Variants in QTGAL observed in about 807,000 individuals in gnomAD.
QTGAL encodes the protein queuosine-tRNA galactosyltransferase.
At chr17:82,997,417 C>T in the QTGAL span, among the ~76,000 whole-genome samples, 10 of 152,144 alleles carry the variant, frequency 6.6e-5, no homozygotes, top group South Asian at 4.1e-4. Context: ...GAAAAGGGAA[C>T]CCCTGTACAA....
At chr17:82,971,657 CCA>C in the QTGAL span, among the ~76,000 whole-genome samples, 15 of 94,208 alleles carry the variant, frequency 1.6e-4, 1 homozygote, top group South Asian at 4.9e-4. Context: ...CCACACCACA[CCA>C]CAGGGGCCAG....
chr17:82,947,151 A>G, the QTGAL span: 1 of 581,324 alleles, frequency 1.7e-6, no homozygotes, highest in Non-Finnish European at 3.0e-6. Context: ...CAGAGAGGGC[A>G]GCAGCCGGCA....
chr17:83,005,256 G>T, the QTGAL span: 1 of 1,450,442 alleles, frequency 6.9e-7, no homozygotes, highest in Non-Finnish European at 9.6e-7. The surrounding 1 kb of genome is among the most constrained non-coding windows in gnomAD (Gnocchi z 5.6). Flanking sequence ...AGTCAGGTAC[G>T]CAGGTGCATG....
chr17:82,986,326 G>A, the QTGAL span, among the ~76,000 whole-genome samples: 2 of 152,156 alleles, frequency 1.3e-5, no homozygotes, highest in Non-Finnish European at 2.9e-5. Flanking sequence ...ACGCCCCTCC[G>A]CCCCCACCAT....
the QTGAL span, chr17:83,007,338 G>A: frequency 6.8e-5 from 64 of 943,860 alleles, no homozygotes; most frequent in Non-Finnish European, 8.0e-5. Context: ...ACTGTTTGGT[G>A]TGTCTGTTTC....
the QTGAL span, among the ~76,000 whole-genome samples, chr17:83,020,744 C>T: frequency 3.7e-3 from 564 of 152,300 alleles, 3 homozygotes; most frequent in East Asian, 0.027. Flanking sequence ...GGAGAGGCCA[C>T]GGCCGCATGG....
At chr17:83,001,786 C>CT in the QTGAL span, among the ~76,000 whole-genome samples, 1 of 151,944 alleles carries the variant, frequency 6.6e-6, no homozygotes, top group African/African-American at 2.4e-5. Flanking sequence ...TTTTCTTTTT[C>CT]TTTTTTTGAG....
the QTGAL span, among the ~76,000 whole-genome samples, chr17:82,966,141 C>A: frequency 6.6e-6 from 1 of 151,520 alleles, no homozygotes; most frequent in African/African-American, 2.4e-5. Context: ...GACCTCAAAC[C>A]CCTGGCCTCA....
the QTGAL span, among the ~76,000 whole-genome samples, chr17:83,044,681 C>T: frequency 2.4e-4 from 36 of 152,360 alleles, no homozygotes; most frequent in African/African-American, 7.9e-4. Flanking sequence ...CGGCGGCTCA[C>T]GCCTGTCATC....
the QTGAL span, chr17:83,005,198 T>C: frequency 6.2e-7 from 1 of 1,607,348 alleles, no homozygotes; most frequent in African/African-American, 1.3e-5. This position sits in a 1 kb window ranked among gnomAD's most constrained non-coding sequence, Gnocchi z 5.6. Context: ...CTCCTCACTC[T>C]GCAACCAATG....
chr17:83,008,891 T>C, the QTGAL span, among the ~76,000 whole-genome samples: 1 of 151,958 alleles, frequency 6.6e-6, no homozygotes, highest in Admixed American at 6.6e-5. Context: ...CTCGAGATGA[T>C]CCCAGCCCGG....
the QTGAL span, among the ~76,000 whole-genome samples, chr17:83,001,316 C>CA: frequency 6.6e-6 from 1 of 152,154 alleles, no homozygotes; most frequent in African/African-American, 2.4e-5. Context: ...TCGTCCACAA[C>CA]ATAGTCAAGG....
chr17:83,043,241 G>A, the QTGAL span, among the ~76,000 whole-genome samples: 10 of 152,276 alleles, frequency 6.6e-5, no homozygotes, highest in East Asian at 1.9e-4. Context: ...TGTGCACAGC[G>A]CATTCTCCAG....
At chr17:82,999,576 T>C in the QTGAL span, among the ~76,000 whole-genome samples, 1 of 152,234 alleles carries the variant, frequency 6.6e-6, no homozygotes, top group Non-Finnish European at 1.5e-5. Context: ...ATATTTTGTA[T>C]GTTATATGTA....
chr17:83,036,458 C>T, the QTGAL span, among the ~76,000 whole-genome samples: 1 of 152,222 alleles, frequency 6.6e-6, no homozygotes, highest in Non-Finnish European at 1.5e-5. Context: ...GCTTATGAAC[C>T]TTCATCCAGC....
chr17:83,043,256 G>A, the QTGAL span, among the ~76,000 whole-genome samples: 1 of 152,180 alleles, frequency 6.6e-6, no homozygotes, highest in Admixed American at 6.5e-5. Flanking sequence ...CTCCAGGACA[G>A]GTGACACGTC....
At chr17:83,031,707 A>G in the QTGAL span, among the ~76,000 whole-genome samples, 1 of 152,230 alleles carries the variant, frequency 6.6e-6, no homozygotes, top group Non-Finnish European at 1.5e-5. Context: ...TGACTGCAGC[A>G]GGTGTGGGGT....
the QTGAL span, among the ~76,000 whole-genome samples, chr17:82,961,571 TGCA>T: frequency 1.3e-5 from 2 of 152,180 alleles, no homozygotes; most frequent in African/African-American, 2.4e-5. Context: ...TGCCAGTGGC[TGCA>T]GCCCCAGAAG....
the QTGAL span, among the ~76,000 whole-genome samples, chr17:83,004,686 G>A: frequency 6.8e-6 from 1 of 146,122 alleles, no homozygotes; most frequent in Non-Finnish European, 1.5e-5. Flanking sequence ...CGCAGTCCGC[G>A]TGTGGGATTC....
Sources: gnomAD v4.1 joint callset for allele counts (sites outside exome capture counted in the v4.1 genomes callset) on GRCh38, gnomAD v4.1.1 for gene constraint, Gnocchi (gnomAD v3.1) non-coding constraint, MANE v1.5 for transcripts, NCBI Gene and HGNC (gene_info 2026-07-23, HGNC 2026-07-21) for gene names.